Variants in AFF3 observed in about 807,000 individuals in gnomAD.
AFF3 encodes the protein AF4/FMR2 family member 3.
AFF3 carries 32 observed loss-of-function variants against 129.7 expected under a neutral mutation model. That is an observed-to-expected ratio of 0.25 (90% CI 0.19 to 0.33). The LOEUF is 0.33. Among genes scored for constraint, AFF3 ranks in the 10% least tolerant of loss-of-function variants. The pLI, the probability that AFF3 is intolerant of heterozygous loss-of-function variation, is 1.00. For synonymous variants in AFF3, 644 were observed against 635.4 expected (o/e 1.01, Z -0.20); for missense variants, 1,373 against 1,592.0 (o/e 0.86, Z 2.34).
intron 8 of AFF3, among the ~76,000 whole-genome samples, chr2:99,778,306 G>C (rs1684105741): frequency 6.6e-6 from 1 of 152,160 alleles, no homozygotes; most frequent in East Asian, 1.9e-4. Context: ...CTGGCACTAG[G>C]TGAAGCTCAA....
chr2:100,035,311 C>T (rs996295886), intron 4 of AFF3, among the ~76,000 whole-genome samples: 1 of 152,182 alleles, frequency 6.6e-6, no homozygotes, highest in East Asian at 1.9e-4. Flanking sequence ...CTAAAGAAAT[C>T]GTCACTGACT....
intron 8 of AFF3, among the ~76,000 whole-genome samples, chr2:99,831,797 G>A (rs10189054): frequency 1.6e-3 from 239 of 152,312 alleles, no homozygotes; most frequent in African/African-American, 5.5e-3. Flanking sequence ...TACGAGGCCA[G>A]TAAGGTTGTT....
At chr2:99,684,678 CA>C (rs1041279907) in intron 11 of AFF3, among the ~76,000 whole-genome samples, 1 of 148,882 alleles carries the variant, frequency 6.7e-6, no homozygotes, top group Admixed American at 6.7e-5. Context: ...GTGGTGTGAT[CA>C]CAGCTCACTG....
At chr2:99,583,689 CTTTTTAT>C (rs143330144) in intron 16 of AFF3, among the ~76,000 whole-genome samples, 3 of 146,350 alleles carry the variant, frequency 2.0e-5, no homozygotes, top group South Asian at 2.2e-4. Context: ...TTCTACACTT[CTTTTTAT>C]TTTTTATTTT....
chr2:99,675,158 A>C (rs1039462342), intron 11 of AFF3, among the ~76,000 whole-genome samples: 2 of 152,236 alleles, frequency 1.3e-5, no homozygotes, highest in African/African-American at 4.8e-5. Flanking sequence ...CTTATATTAA[A>C]AAAATGAATT....
chr2:99,674,615 T>C (rs1687449001), intron 11 of AFF3, among the ~76,000 whole-genome samples: 1 of 152,180 alleles, frequency 6.6e-6, no homozygotes, highest in Non-Finnish European at 1.5e-5. Flanking sequence ...TGGGTGGTCC[T>C]GCTGGTGGGG....
chr2:99,980,099 T>A (rs1000667286), intron 7 of AFF3, among the ~76,000 whole-genome samples: 1 of 152,238 alleles, frequency 6.6e-6, no homozygotes, highest in Non-Finnish European at 1.5e-5. Context: ...AGCACCACTA[T>A]TGTCATAGCA....
chr2:99,971,706 G>C (rs1678398063), intron 7 of AFF3, among the ~76,000 whole-genome samples: 1 of 152,104 alleles, frequency 6.6e-6, no homozygotes, highest in Non-Finnish European at 1.5e-5. Flanking sequence ...TAATTTGAAG[G>C]GCATTTTGGT....
At chr2:99,950,278 G>A (rs1472164386) in intron 7 of AFF3, among the ~76,000 whole-genome samples, 2 of 152,124 alleles carry the variant, frequency 1.3e-5, no homozygotes, top group African/African-American at 4.8e-5. Flanking sequence ...CCTTAGCCAA[G>A]TATTTCTGGC....
intron 12 of AFF3, among the ~76,000 whole-genome samples, chr2:99,652,792 C>T (rs1685389163): frequency 6.6e-6 from 1 of 152,214 alleles, no homozygotes; most frequent in South Asian, 2.1e-4. Flanking sequence ...CAAGGGGTTA[C>T]TGTCCCCTCC....
chr2:99,682,360 C>A (rs980082317), intron 11 of AFF3, among the ~76,000 whole-genome samples: 6 of 152,230 alleles, frequency 3.9e-5, no homozygotes, highest in East Asian at 1.9e-4. Flanking sequence ...ACTCTCCCCC[C>A]ATCTTCCATT....
intron 7 of AFF3, among the ~76,000 whole-genome samples, chr2:99,838,159 G>A (rs991208100): frequency 1.3e-5 from 2 of 152,150 alleles, no homozygotes; most frequent in African/African-American, 2.4e-5. Flanking sequence ...GGTCACAGCC[G>A]ACTCTGGGGA....
intron 13 of AFF3, among the ~76,000 whole-genome samples, chr2:99,605,913 C>T (rs1331468858): frequency 6.6e-6 from 1 of 151,888 alleles, no homozygotes; most frequent in African/African-American, 2.4e-5. Flanking sequence ...GTCTTGAACT[C>T]CTGGCTTCAA....
chr2:100,100,016 A>C (rs952972062), intron 4 of AFF3, among the ~76,000 whole-genome samples: 1 of 128,620 alleles, frequency 7.8e-6, no homozygotes, highest in African/African-American at 3.0e-5. Context: ...TATTCTGTGA[A>C]TGCTTATTGA....
chr2:99,559,026 G>A (rs927823365), intron 21 of AFF3, 58 bp from the exon 22 acceptor site: 49 of 1,492,744 alleles, frequency 3.3e-5, no homozygotes, highest in Non-Finnish European at 4.3e-5. Flanking sequence ...GCGCAAACAA[G>A]ACTTAAACAT....
At chr2:99,641,568 C>G (rs1241118029) in intron 13 of AFF3, among the ~76,000 whole-genome samples, 1 of 152,066 alleles carries the variant, frequency 6.6e-6, no homozygotes, top group Non-Finnish European at 1.5e-5. Flanking sequence ...ATTCCAGATA[C>G]TTGGGAGGCT....
At chr2:99,814,945 G>A (rs559350187) in intron 8 of AFF3, among the ~76,000 whole-genome samples, 2 of 151,920 alleles carry the variant, frequency 1.3e-5, no homozygotes, top group South Asian at 2.1e-4. Context: ...TGTCTCCCAG[G>A]TTCAAGTGAT....
chr2:99,563,689 A>C (rs573783543), intron 20 of AFF3, among the ~76,000 whole-genome samples: 1 of 151,486 alleles, frequency 6.6e-6, no homozygotes, highest in Non-Finnish European at 1.5e-5. Flanking sequence ...GCATGCCTGT[A>C]ATCCGAGCTA....
intron 4 of AFF3, among the ~76,000 whole-genome samples, chr2:100,018,032 G>GTGTGTGTA (rs372741359): frequency 1.9e-4 from 29 of 150,046 alleles, no homozygotes; most frequent in East Asian, 1.4e-3. Context: ...GTGTGTGTGT[G>GTGTGTGTA]TATATATATA....
Sources: allele counts gnomAD v4.1 joint callset (sites outside exome capture counted in the v4.1 genomes callset), GRCh38; gene constraint gnomAD v4.1.1; transcripts MANE v1.5; gene names NCBI Gene and HGNC (gene_info 2026-07-23, HGNC 2026-07-21).